SLC44A5: variants seen among roughly 807,000 people sequenced by gnomAD.
SLC44A5 encodes the protein solute carrier family 44 member 5, also known as choline transporter-like protein 5.
A neutral mutation model predicts 101.8 loss-of-function variants in SLC44A5; 57 were observed. That is an observed-to-expected ratio of 0.56 (90% CI 0.45 to 0.70). The LOEUF (loss-of-function observed/expected upper bound fraction) is 0.70. Ranked by LOEUF, SLC44A5 falls within the 30% of genes least tolerant of loss-of-function variation. The pLI is 0.00. For missense variants in SLC44A5, 737 were observed against 853.1 expected, an observed-to-expected ratio of 0.86 and a Z score of 1.70; for synonymous variants, 281 against 290.9, an observed-to-expected ratio of 0.97 and a Z score of 0.35.
intron 2 of SLC44A5, among the ~76,000 whole-genome samples, chr1:75,490,922 T>C (rs557373949): frequency 6.6e-6 from 1 of 152,042 alleles, no homozygotes; most frequent in Non-Finnish European, 1.5e-5. Flanking sequence ...CAAGTAAATC[T>C]ACTTTTTTAA....
At chr1:75,475,154 T>C (rs1667313154) in intron 2 of SLC44A5, among the ~76,000 whole-genome samples, 1 of 152,238 alleles carries the variant, frequency 6.6e-6, no homozygotes, top group African/African-American at 2.4e-5. Flanking sequence ...AATGATGATC[T>C]TACGCCTCAT....
Position 75,479,635 on chromosome 1 carries a change from G to A in SLC44A5, c.13+61800C>T, listed in dbSNP as rs369623847. On this transcript the variant is annotated intron_variant, in intron 2 of 23. Transcript: ENST00000370859. Reference sequence around the variant, plus strand: ...ATACTACAAACACCTCTACGCAAATGAACTAGAAAATCTAGAAGAAATGGA... The same window carrying A: ...ATACTACAAACACCTCTACGCAAATAAACTAGAAAATCTAGAAGAAATGGA... 9.9e-5 allele frequency among the ~76,000 whole-genome samples: 15 copies of A among 152,002 alleles called. No individual in the cohort carries two copies. The East Asian group carries it at 1.6e-3, about 16-fold the overall frequency.
intron 2 of SLC44A5, among the ~76,000 whole-genome samples, chr1:75,399,706 T>TA (rs1189901620): frequency 2.0e-5 from 3 of 152,178 alleles, no homozygotes; most frequent in Non-Finnish European, 2.9e-5. Flanking sequence ...CTCATTATTG[T>TA]AAAAAAATTG....
chr1:75,679,367 G>T, the SLC44A5 span, among the ~76,000 whole-genome samples: 1 of 152,108 alleles, frequency 6.6e-6, no homozygotes, highest in African/African-American at 2.4e-5. Flanking sequence ...AGAGAGAAAG[G>T]TCGGGTTACC....
intron 5 of SLC44A5, among the ~76,000 whole-genome samples, chr1:75,296,374 T>C (rs1043827943): frequency 6.6e-6 from 1 of 151,754 alleles, no homozygotes; most frequent in Non-Finnish European, 1.5e-5. Context: ...TTCTTTTTTT[T>C]TTTTTTTAAT....
chr1:75,225,888 T>C (rs1175588451), intron 13 of SLC44A5, among the ~76,000 whole-genome samples: 2 of 152,170 alleles, frequency 1.3e-5, no homozygotes, highest in Non-Finnish European at 2.9e-5. Context: ...ATGGCGTTTG[T>C]GTGGAAGGGT....
intron 2 of SLC44A5, among the ~76,000 whole-genome samples, chr1:75,494,885 TG>T: frequency 6.6e-6 from 1 of 152,292 alleles, no homozygotes; most frequent in South Asian, 2.1e-4. Flanking sequence ...CTTTTCTAGC[TG>T]CTACTCTAGG....
chr1:75,274,330 G>T (rs986544316), intron 6 of SLC44A5, among the ~76,000 whole-genome samples: 1 of 152,208 alleles, frequency 6.6e-6, no homozygotes, highest in East Asian at 1.9e-4. Context: ...TTTATGGGGG[G>T]CTGCTTGTGT....
At chr1:75,427,827 T>C (rs538564367) in intron 2 of SLC44A5, among the ~76,000 whole-genome samples, 9 of 152,348 alleles carry the variant, frequency 5.9e-5, no homozygotes, top group African/African-American at 1.9e-4. Flanking sequence ...TTTGTTTTTA[T>C]TATATTCTCA....
At chr1:75,611,240 AAGAGGGGGAGG>A (rs1675643152), upstream of SLC44A5, 1 of 214,628 alleles carries the variant, frequency 4.7e-6, no homozygotes, top group Admixed American at 6.5e-5. Context: ...TTGGAGTATA[AAGAGGGGGAGG>A]AGACTGAACA....
the SLC44A5 span, among the ~76,000 whole-genome samples, chr1:75,628,517 C>T: frequency 6.6e-6 from 1 of 152,234 alleles, no homozygotes; most frequent in South Asian, 2.1e-4. Flanking sequence ...ATTTCTACAA[C>T]TGACAAATGG....
chr1:75,260,051 C>A (rs540229860), intron 6 of SLC44A5, among the ~76,000 whole-genome samples: 1 of 152,244 alleles, frequency 6.6e-6, no homozygotes, highest in Non-Finnish European at 1.5e-5. Context: ...AAAGGAACAA[C>A]CAGTACCAGC....
At chr1:75,637,443 C>T in the SLC44A5 span, among the ~76,000 whole-genome samples, 3 of 151,842 alleles carry the variant, frequency 2.0e-5, no homozygotes, top group Admixed American at 6.6e-5. Flanking sequence ...CATTAAGTAT[C>T]TAGAATAGTC....
At chr1:75,481,340 A>G (rs539541054) in intron 2 of SLC44A5, among the ~76,000 whole-genome samples, 1 of 152,214 alleles carries the variant, frequency 6.6e-6, no homozygotes, top group East Asian at 1.9e-4. Flanking sequence ...GGACATAGGC[A>G]TGGGCAAGGA....
chr1:75,437,535 A>G lies in SLC44A5; in HGVS notation c.14-40914T>C, dbSNP rs942728548. ...TTTTATCCTGAATTCTGATGTCTGTATTTAGTCTTTAACAGTATTTACTGG... is the reference window on the plus strand; with the variant it reads ...TTTTATCCTGAATTCTGATGTCTGTGTTTAGTCTTTAACAGTATTTACTGG... On this transcript the variant is annotated intron_variant, in intron 2 of 23. Coordinates refer to ENST00000370859, the MANE Select transcript of SLC44A5 (RefSeq NM_001130058.2). 3.3e-5 allele frequency among the ~76,000 whole-genome samples: 5 copies of G among 152,126 alleles called. No individual in the cohort carries two copies. In the South Asian group the frequency reaches 6.2e-4, roughly 19 times the overall value.
intron 2 of SLC44A5, among the ~76,000 whole-genome samples, chr1:75,518,607 T>C (rs937372511): frequency 1.3e-5 from 2 of 151,852 alleles, no homozygotes; most frequent in South Asian, 4.1e-4. Context: ...CAACATACGA[T>C]ATAATTAAAC....
chr1:75,672,996 G>A, the SLC44A5 span, among the ~76,000 whole-genome samples: 1 of 152,144 alleles, frequency 6.6e-6, no homozygotes, highest in Non-Finnish European at 1.5e-5. Context: ...TCAGAGCTCT[G>A]CCGGCTTCAG....
the SLC44A5 span, among the ~76,000 whole-genome samples, chr1:75,656,907 G>C: frequency 6.6e-6 from 1 of 152,178 alleles, no homozygotes; most frequent in Admixed American, 6.5e-5. Flanking sequence ...CCAGCACTTT[G>C]GGAGGACAAG....
chr1:75,684,629 G>T, the SLC44A5 span, among the ~76,000 whole-genome samples: 1 of 152,218 alleles, frequency 6.6e-6, no homozygotes, highest in African/African-American at 2.4e-5. Flanking sequence ...GCTCTGAAAT[G>T]ATTTCCTTTA....
Sources: gnomAD v4.1 joint callset for allele counts (sites outside exome capture counted in the v4.1 genomes callset) on GRCh38, gnomAD v4.1.1 for gene constraint, MANE v1.5 for transcripts, NCBI Gene and HGNC (gene_info 2026-07-23, HGNC 2026-07-21) for gene names.